The following SUMF1 variants were observed in gnomAD, a reference collection of about 807,000 sequenced individuals.
The protein encoded by SUMF1 is formylglycine-generating enzyme.
A neutral mutation model predicts 47.6 loss-of-function variants in SUMF1; 48 were observed. That is an observed-to-expected ratio of 1.01 (90% CI 0.80 to 1.28). The LOEUF (loss-of-function observed/expected upper bound fraction) is 1.28. Ranked by LOEUF, SUMF1 falls within the 50% of genes most tolerant of loss-of-function variation. SUMF1 has a pLI of 0.00. For synonymous variants in SUMF1, 230 were observed against 192.1 expected (o/e 1.20, Z -1.63); for missense variants, 571 against 485.4 (o/e 1.18, Z -1.66).
At chr3:4,320,961 C>G (rs539276025) in intron 8 of SUMF1, among the ~76,000 whole-genome samples, 2 of 152,192 alleles carry the variant, frequency 1.3e-5, no homozygotes, top group East Asian at 3.9e-4. Context: ...TGTTAAAGGA[C>G]CATACGTTGG....
At chr3:4,204,962 G>T (rs574266288) in intron 8 of SUMF1, among the ~76,000 whole-genome samples, 3 of 152,106 alleles carry the variant, frequency 2.0e-5, no homozygotes, top group African/African-American at 7.2e-5. Context: ...ACATATCTCT[G>T]TCACATGAGG....
intron 1 of SUMF1, among the ~76,000 whole-genome samples, chr3:4,462,402 T>C (rs181696426): frequency 3.3e-5 from 5 of 152,184 alleles, no homozygotes; most frequent in East Asian, 1.9e-4. Context: ...AGCCAAGAGA[T>C]AGCCAAAGAG....
At chr3:4,428,401 T>G (rs575584929) in intron 3 of SUMF1, among the ~76,000 whole-genome samples, 1 of 152,224 alleles carries the variant, frequency 6.6e-6, no homozygotes, top group Non-Finnish European at 1.5e-5. Context: ...TCACCCAGGT[T>G]GGAGTGCAGT....
intron 8 of SUMF1, among the ~76,000 whole-genome samples, chr3:4,259,885 A>T (rs1406483894): frequency 2.0e-5 from 3 of 151,714 alleles, no homozygotes; most frequent in African/African-American, 7.3e-5. Flanking sequence ...ATTTGTTTAA[A>T]TTTTTTTTTA....
chr3:4,417,010 G>T (rs1409587942), intron 6 of SUMF1, 118 bp downstream of exon 6: 11 of 875,574 alleles, frequency 1.3e-5, no homozygotes, highest in Non-Finnish European at 1.9e-5. Context: ...AACAGTGAAT[G>T]CATACACGAA....
At chr3:4,297,564 ATTT>A (rs746612402) in intron 8 of SUMF1, among the ~76,000 whole-genome samples, 14 of 113,852 alleles carry the variant, frequency 1.2e-4, no homozygotes, top group African/African-American at 3.8e-4. Flanking sequence ...CTACACCTGA[ATTT>A]TTTTTTTTTT....
chr3:4,358,651 T>A (rs1437636903), downstream of SUMF1, among the ~76,000 whole-genome samples: 3 of 152,234 alleles, frequency 2.0e-5, no homozygotes, highest in African/African-American at 7.2e-5. Flanking sequence ...CTTCTTTTAG[T>A]GCATCTAGTG....
intron 8 of SUMF1, among the ~76,000 whole-genome samples, chr3:4,174,317 C>T (rs1431364364): frequency 2.7e-5 from 4 of 147,796 alleles, no homozygotes; most frequent in Middle Eastern, 3.5e-3. Flanking sequence ...GATCACACCA[C>T]TGCACTCCAG....
chr3:4,134,243 A>T (rs1693865811), intron 8 of SUMF1, among the ~76,000 whole-genome samples: 1 of 152,106 alleles, frequency 6.6e-6, no homozygotes, highest in African/African-American at 2.4e-5. Context: ...GCAAATGTAA[A>T]AGAACAGAAA....
At chr3:4,153,614 A>G (rs1009571711) in intron 8 of SUMF1, among the ~76,000 whole-genome samples, 3 of 151,130 alleles carry the variant, frequency 2.0e-5, no homozygotes, top group Non-Finnish European at 4.4e-5. Flanking sequence ...GCCCTAAAAA[A>G]TATTAACTTT....
intron 8 of SUMF1, among the ~76,000 whole-genome samples, chr3:4,207,885 A>T (rs1301879952): frequency 6.6e-6 from 1 of 152,060 alleles, no homozygotes; most frequent in African/African-American, 2.4e-5. Context: ...GTAATTGACA[A>T]TTGCTGGAGA....
intron 7 of SUMF1, among the ~76,000 whole-genome samples, chr3:4,404,595 T>C (rs1701317335): frequency 6.6e-6 from 1 of 152,062 alleles, no homozygotes; most frequent in South Asian, 2.1e-4. Context: ...CCGTCTCGAC[T>C]GAAAATACAA....
At chr3:4,170,857 C>T (rs1694818371) in intron 8 of SUMF1, among the ~76,000 whole-genome samples, 1 of 152,148 alleles carries the variant, frequency 6.6e-6, no homozygotes, top group Non-Finnish European at 1.5e-5. Flanking sequence ...CCAGCTTTCT[C>T]TTCATGGTTT....
chr3:4,155,963 T>A (rs966074265), intron 8 of SUMF1, among the ~76,000 whole-genome samples: 1 of 151,252 alleles, frequency 6.6e-6, no homozygotes, highest in African/African-American at 2.5e-5. Context: ...TTACCCCAGG[T>A]ATAACACTTG....
At chr3:4,437,336 T>C (rs1702435399) in intron 3 of SUMF1, among the ~76,000 whole-genome samples, 2 of 152,196 alleles carry the variant, frequency 1.3e-5, no homozygotes, top group Admixed American at 6.5e-5. Context: ...TGTTAAACTT[T>C]ATACTCAAGT....
At chr3:4,180,084 A>G (rs1695058881) in intron 8 of SUMF1, among the ~76,000 whole-genome samples, 1 of 152,208 alleles carries the variant, frequency 6.6e-6, no homozygotes, top group Non-Finnish European at 1.5e-5. Flanking sequence ...GAACGCTTTT[A>G]CACTGTTGGT....
At chr3:4,372,378 A>AT (rs1469743910) in intron 8 of SUMF1, among the ~76,000 whole-genome samples, 7 of 152,140 alleles carry the variant, frequency 4.6e-5, no homozygotes, top group Non-Finnish European at 2.9e-5. Flanking sequence ...AAAAAAGAAA[A>AT]TTTTTTAAAA....
intron 7 of SUMF1, among the ~76,000 whole-genome samples, chr3:4,401,389 C>A (rs1026625475): frequency 2.0e-5 from 3 of 152,150 alleles, no homozygotes; most frequent in Admixed American, 2.0e-4. Context: ...GGAATTGCCA[C>A]ACTGTCTTCC....
chr3:4,154,256 G>C lies in SUMF1; in HGVS notation c.1015-85511C>G, dbSNP rs530504358. Among the ~76,000 whole-genome samples, 38 of 151,576 alleles carry C rather than the reference G, an allele frequency of 2.5e-4. 2 individuals carry two copies. Among genetic ancestry groups the C allele is most frequent in the African/African-American group, 9.0e-4 (37 of 40,898 alleles). ...GTGGATTCTGGGTCTGAATTACAGT[G>C]TTTTTATTCTCCTTCACAACCATCA... is the stretch of plus-strand genomic sequence containing the variant. On this transcript the variant is annotated intron_variant and NMD_transcript_variant, in intron 8 of 12. Coordinates refer to the SUMF1 transcript ENST00000448413.
Sources: allele counts gnomAD v4.1 joint callset (sites outside exome capture counted in the v4.1 genomes callset), GRCh38; gene constraint gnomAD v4.1.1; transcripts MANE v1.5; gene names NCBI Gene and HGNC (gene_info 2026-07-23, HGNC 2026-07-21).